Variants in LRCH3 observed in about 807,000 individuals in gnomAD.
LRCH3 encodes the protein DISP complex protein LRCH3.
In LRCH3, 68 loss-of-function variants were observed where a neutral mutation model predicts 104.5. The ratio of observed to expected loss-of-function variants is 0.65; its 90% confidence interval spans 0.54 to 0.80. The LOEUF (loss-of-function observed/expected upper bound fraction) is 0.80, where lower values mean the gene tolerates loss of function less well. Among genes scored for constraint, LRCH3 ranks in the 30% least tolerant of loss-of-function variants. The pLI, the probability that LRCH3 is intolerant of heterozygous loss-of-function variation, is 0.00. For synonymous variants in LRCH3, 344 were observed against 361.3 expected (o/e 0.95, Z 0.54); for missense variants, 951 against 953.9 (o/e 1.00, Z 0.04).
intron 1 of LRCH3, among the ~76,000 whole-genome samples, chr3:197,797,104 G>T (rs966121178): frequency 6.6e-6 from 1 of 150,852 alleles, no homozygotes; most frequent in South Asian, 2.1e-4. Context: ...GAGGCGGGCA[G>T]ATCACCCGAT....
chr3:197,845,474 A>G (rs183547788), intron 10 of LRCH3, among the ~76,000 whole-genome samples: 31 of 152,068 alleles, frequency 2.0e-4, no homozygotes, highest in Non-Finnish European at 4.3e-4. Context: ...AGATACATAC[A>G]TGTTATCTGC....
Position 197,820,322 on chromosome 3 carries a change from T to G in LRCH3, c.535-3T>G. On this transcript the variant is annotated splice_region_variant and splice_polypyrimidine_tract_variant and intron_variant, in intron 3 of 20. Coordinates refer to ENST00000425562, the MANE Select transcript of LRCH3 (RefSeq NM_001365715.1). ...ATCTTTATTTTGTATCTTTTCGAAA[T>G]AGGATGTGAGCTGCAATGAAATTCA... 6.3e-7 allele frequency: 1 copy of G among 1,595,208 alleles called. No homozygotes were observed. The highest frequency in any genetic ancestry group is 1.7e-5 in the Admixed American group (1 of 59,810).
chr3:197,800,914 T>C (rs556689534), intron 1 of LRCH3, among the ~76,000 whole-genome samples: 3 of 151,978 alleles, frequency 2.0e-5, no homozygotes, highest in East Asian at 3.9e-4. Flanking sequence ...ACCAACATGG[T>C]GAAACCCCGT....
At chr3:197,882,096 G>T (rs1713821251) in intron 20 of LRCH3, 1 of 985,234 alleles carries the variant, frequency 1.0e-6, no homozygotes, top group Non-Finnish European at 1.2e-6. Flanking sequence ...TGTGGTTTAG[G>T]GGTTGTAATT....
At position 197,791,457 on chromosome 3, in the gene LRCH3, G is replaced by T; in HGVS notation, c.179G>T (p.Gly60Val). 2 of 1,600,446 alleles carry T rather than the reference G, an allele frequency of 1.2e-6. No individual in the cohort carries two copies. Among genetic ancestry groups the T allele is most frequent in the Admixed American group, 1.7e-5 (1 of 58,212 alleles). Residue 60 changes from glycine (G) to valine (V), a missense_variant, in exon 1 of 21, where the codon GGG (glycine) becomes GTG (valine). Coordinates refer to ENST00000425562, the MANE Select transcript of LRCH3 (RefSeq NM_001365715.1). ...DRALEEAAVTGVLSLSGRKLR... is the reference protein window; with the variant it reads ...DRALEEAAVTVVLSLSGRKLR... ...GCCCTGGAGGAGGCGGCGGTCACTGGGGTGCTGAGCCTGAGCGGCCGGAAA... is the reference window on the plus strand; with the variant it reads ...GCCCTGGAGGAGGCGGCGGTCACTGTGGTGCTGAGCCTGAGCGGCCGGAAA...
intron 4 of LRCH3, among the ~76,000 whole-genome samples, chr3:197,823,905 T>C (rs1268290734): frequency 2.0e-5 from 3 of 152,226 alleles, no homozygotes. Context: ...ACTGTCACCA[T>C]ACCATGCCTT....
At chr3:197,857,815 AAGAT>A (rs1740454429) in intron 14 of LRCH3, among the ~76,000 whole-genome samples, 1 of 152,208 alleles carries the variant, frequency 6.6e-6, no homozygotes, top group Non-Finnish European at 1.5e-5. Flanking sequence ...TTGCTGCCTT[AAGAT>A]AGATTTTGTG....
In LRCH3 at chr3:197,833,365, G is replaced by GAAAAAAA. The variant is rs71166710; in HGVS notation, c.1102+1068_1102+1074dup. ...TGAAACCCCATCTCTACTAAAAACC[G>GAAAAAAA]AAAAAAAAAAAAAAAAAAAAAAAAA... On this transcript the variant is annotated intron_variant, in intron 8 of 20. Coordinates refer to ENST00000425562, the MANE Select transcript of LRCH3 (RefSeq NM_001365715.1). Among the ~76,000 whole-genome samples the GAAAAAAA allele has an allele frequency of 3.9e-4, 13 of 33,336 alleles. 5 individuals carry two copies. The highest frequency in any genetic ancestry group is 4.3e-3 in the South Asian group (2 of 466). 21.9% of individuals were successfully genotyped at this position (33,336 alleles called of 152,430 possible). A position where few individuals can be genotyped will look rare whatever the true frequency, so the allele number is the denominator to read the frequency against.
Position 197,856,832 on chromosome 3 carries a change from T to C in LRCH3, c.1645-2002T>C, listed in dbSNP as rs1218340675. Among the ~76,000 whole-genome samples the C allele has an allele frequency of 6.6e-6, 1 of 152,372 alleles. No homozygotes were observed. The highest frequency in any genetic ancestry group is 1.9e-4 in the East Asian group (1 of 5,192). Reference sequence around the variant, plus strand: ...GGATATATTAGGTGCTCAGTAAATATTTCCTGAATGAACATATAAATTCTG... The same window carrying C: ...GGATATATTAGGTGCTCAGTAAATACTTCCTGAATGAACATATAAATTCTG... On this transcript the variant is annotated intron_variant, in intron 14 of 20. Coordinates refer to ENST00000425562, the MANE Select transcript of LRCH3 (RefSeq NM_001365715.1). This position sits in a 1 kb window ranked among gnomAD's most constrained non-coding sequence, Gnocchi z 4.2.
chr3:197,854,587 G>C lies in LRCH3; in HGVS notation c.1644+142G>C. On this transcript the variant is annotated intron_variant, in intron 14 of 20. Coordinates refer to ENST00000425562, the MANE Select transcript of LRCH3 (RefSeq NM_001365715.1). The surrounding 1 kb of genome is among the most constrained non-coding windows in gnomAD (Gnocchi z 4.5). ...GAAGAACTAAACCATTTTCCCACAT[G>C]ACCATTTGTGATTGACCCAGTGTTT... 1.3e-6 allele frequency: 1 copy of C among 796,002 alleles called. No individual in the cohort carries two copies. Among genetic ancestry groups the C allele is most frequent in the South Asian group, 1.6e-5 (1 of 62,738 alleles). The allele number at this position is 796,002 out of a possible 1,614,324, so 49.3% of individuals were successfully genotyped here.
rs1343538036 is a variant in LRCH3 at position 197,810,944 on chromosome 3, A to G, written c.263-3964A>G. ...TTTTGTGATCTCCCTGGGTTACATA[A>G]TTAATATTAATAGCTAAAATGATTT... On this transcript the variant is annotated intron_variant, in intron 1 of 20. Coordinates refer to ENST00000425562, the MANE Select transcript of LRCH3 (RefSeq NM_001365715.1). The surrounding 1 kb of genome is among the most constrained non-coding windows in gnomAD (Gnocchi z 4.0). 6.6e-6 allele frequency among the ~76,000 whole-genome samples: 1 copy of G among 152,208 alleles called. No individual in the cohort carries two copies. Among genetic ancestry groups the G allele is most frequent in the Non-Finnish European group, 1.5e-5 (1 of 68,040 alleles).
rs748102480 is a variant in LRCH3, at chr3:197,854,412, G to T, written c.1611G>T (p.Arg537Ser). 1.9e-6 allele frequency: 3 copies of T among 1,613,968 alleles called. No individual in the cohort carries two copies. In the East Asian group the frequency reaches 6.7e-5, roughly 36 times the overall value. ...TCCAGTGCCCCTTCCCATCCAGAAG[G>T]TCTCAGCACACTGATGATAGTGCCT... ...VDGECPFPSRRSQHTDDSALC... is the reference protein window; with the variant it reads ...VDGECPFPSRSSQHTDDSALC... The change falls in exon 14 of 21, where the codon AGG becomes AGT. Residue 537 changes from arginine (R) to serine (S), a missense_variant. Transcript: ENST00000425562. This position sits in a 1 kb window ranked among gnomAD's most constrained non-coding sequence, Gnocchi z 4.5.
rs888831020 is a variant in LRCH3 at position 197,847,948 on chromosome 3, C to T, written c.1457C>T (p.Ala486Val). The T allele has an allele frequency of 6.2e-6, 10 of 1,613,988 alleles. No individual in the cohort carries two copies. The highest frequency in any genetic ancestry group is 8.5e-6 in the Non-Finnish European group (10 of 1,180,008). The change falls in exon 12 of 21, where the codon GCT becomes GTT. Residue 486 changes from alanine to valine, a missense_variant. Coordinates refer to ENST00000425562, the MANE Select transcript of LRCH3 (RefSeq NM_001365715.1). ...CGCACTCGGAGAGAGGCTCAGCTTG[C>T]TGCCCTGCAGTATGAGGAGGAGAAA... ...VERTRREAQL[A>V]ALQYEEEKIR...
chr3:197,861,185 G>A (rs981324865), intron 15 of LRCH3, among the ~76,000 whole-genome samples: 2 of 152,066 alleles, frequency 1.3e-5, no homozygotes, highest in East Asian at 1.9e-4. Flanking sequence ...ACCTCCTCTG[G>A]TTATTGTTGA....
At chr3:197,816,861 A>G (rs1347014749) in intron 2 of LRCH3, among the ~76,000 whole-genome samples, 1 of 152,182 alleles carries the variant, frequency 6.6e-6, no homozygotes, top group East Asian at 1.9e-4. Context: ...CTTTAATAAA[A>G]TAATACTATG....
chr3:197,887,655 C>A lies in LRCH3; in HGVS notation c.*3989C>A, dbSNP rs1215844154. 6.9e-6 allele frequency: 1 copy of A among 145,800 alleles called. No individual in the cohort carries two copies. The allele number at this position is 145,800 out of a possible 1,614,324, so 9.0% of individuals were successfully genotyped here. ...GTCTGGGGCTGAGAGCCCCCCCTAGCAGAGCCCTTCCCATCACTGACAGTG... is the reference window on the plus strand; with the variant it reads ...GTCTGGGGCTGAGAGCCCCCCCTAGAAGAGCCCTTCCCATCACTGACAGTG... On this transcript the variant is annotated 3_prime_UTR_variant, in exon 21 of 21. Transcript: ENST00000425562.
In LRCH3 at chr3:197,840,833, G is replaced by A. The variant is rs148547839; in HGVS notation, c.1328+1436G>A. On this transcript the variant is annotated intron_variant, in intron 10 of 20. Transcript: ENST00000425562. ...TTCAGAATGTCTTTTCAGTTGCCAC[G>A]TGTCCTTTTATTGAGAGTGTAGTCT... 6.1e-3 allele frequency among the ~76,000 whole-genome samples: 931 copies of A among 152,236 alleles called. 10 individuals are homozygous for A. The highest frequency in any genetic ancestry group is 0.021 in the African/African-American group (886 of 41,518).
intron 8 of LRCH3, among the ~76,000 whole-genome samples, chr3:197,835,017 A>G (rs537013584): frequency 3.5e-4 from 53 of 151,970 alleles, no homozygotes; most frequent in Middle Eastern, 3.4e-3. Flanking sequence ...GGTGGTGCAC[A>G]CCTGTAATCC....
In LRCH3 at chr3:197,850,786, G is replaced by C. The variant is rs898659240; in HGVS notation, c.1531-1775G>C. On this transcript the variant is annotated intron_variant, in intron 12 of 20. Coordinates refer to ENST00000425562, the MANE Select transcript of LRCH3 (RefSeq NM_001365715.1). ...TCATTGTAACGTCGGAATGGTACAC[G>C]CTGTTTCTGTAAAGTGACATCTTTC... 69 of 1,234,976 alleles carry C rather than the reference G, an allele frequency of 5.6e-5. 1 individual carries two copies. In the East Asian group the frequency reaches 1.6e-3, roughly 28 times the overall value. The allele number at this position is 1,234,976 out of a possible 1,614,324, so 76.5% of individuals were successfully genotyped here. A position where few individuals can be genotyped will look rare whatever the true frequency, so the allele number is the denominator to read the frequency against.
Sources: gnomAD v4.1 joint callset for allele counts (sites outside exome capture counted in the v4.1 genomes callset) on GRCh38, gnomAD v4.1.1 for gene constraint, Gnocchi (gnomAD v3.1) non-coding constraint, MANE v1.5 for transcripts, NCBI Gene and HGNC (gene_info 2026-07-23, HGNC 2026-07-21) for gene names.